The following TFPI variants were observed in gnomAD, a reference collection of about 807,000 sequenced individuals.
TFPI encodes tissue factor pathway inhibitor.
TFPI carries 15 observed loss-of-function variants against 34.6 expected under a neutral mutation model. The ratio of observed to expected loss-of-function variants is 0.43; its 90% CI spans 0.29 to 0.67. TFPI has a LOEUF of 0.67. Among genes scored for constraint, TFPI ranks in the 30% least tolerant of loss-of-function variants. The probability of loss-of-function intolerance (pLI) is 0.15; values close to 1 mark genes in which losing one functional copy is unlikely to be tolerated. For missense variants in TFPI, 301 were observed against 364.0 expected (o/e 0.83, Z 1.41); for synonymous variants, 105 against 120.1 (o/e 0.87, Z 0.82).
rs527659929 is a variant in TFPI at position 187,552,193 on chromosome 2, C to A, written c.-3+2007G>T. ...AGGTAGAGATATCAGTTGAAAGATA[C>A]CTTAAAATTTTGTGACACTGAATTT... On this transcript the variant is annotated intron_variant, in intron 1 of 7. Coordinates refer to ENST00000233156, the MANE Select transcript of TFPI (RefSeq NM_006287.6). 2.0e-5 allele frequency among the ~76,000 whole-genome samples: 3 copies of A among 151,836 alleles called. No homozygotes were observed. In the South Asian group the frequency reaches 6.2e-4, roughly 32 times the overall value.
chr2:187,499,261 C>A lies in TFPI; in HGVS notation c.122-2183G>T, dbSNP rs558641065. Among the ~76,000 whole-genome samples, 62 of 151,594 alleles carry A rather than the reference C, an allele frequency of 4.1e-4. 1 individual carries two copies. Among genetic ancestry groups the A allele is most frequent in the Non-Finnish European group, 7.5e-4 (51 of 67,826 alleles). On this transcript the variant is annotated intron_variant, in intron 2 of 7. Transcript: ENST00000233156. ...ATGAGCACTTCATGGTAAAATTTTC[C>A]ATTTTTCTTAAATTAGATACACAAG...
chr2:187,496,878 T>A lies in TFPI; in HGVS notation c.319+3A>T. The A allele has an allele frequency of 6.2e-7, 1 of 1,612,566 alleles. No individual in the cohort carries two copies. Among genetic ancestry groups the A allele is most frequent in the South Asian group, 1.1e-5 (1 of 90,934 alleles). Reference sequence around the variant, plus strand: ...TGAGTAATAAGGGTTCCCAGAAACCTACCTCTTGTACACATTTTTTTGCAC... The same window carrying A: ...TGAGTAATAAGGGTTCCCAGAAACCAACCTCTTGTACACATTTTTTTGCAC... On this transcript the variant is annotated splice_donor_region_variant and intron_variant, in intron 3 of 7. Transcript: ENST00000233156.
intron 3 of TFPI, among the ~76,000 whole-genome samples, 194 bp from the exon 4 acceptor site, chr2:187,488,569 C>G (rs2106035291): frequency 6.6e-6 from 1 of 151,130 alleles, no homozygotes; most frequent in Non-Finnish European, 1.5e-5. Context: ...ACCATGAAGC[C>G]ACTTCATTTC....
intron 6 of TFPI, among the ~76,000 whole-genome samples, chr2:187,481,748 A>G (rs1239428743): frequency 6.6e-6 from 1 of 152,050 alleles, no homozygotes; most frequent in Non-Finnish European, 1.5e-5. Context: ...TTTGAGGCCA[A>G]TATATACAAT....
chr2:187,472,872 C>T (rs1241904271), intron 6 of TFPI, among the ~76,000 whole-genome samples: 1 of 151,882 alleles, frequency 6.6e-6, no homozygotes, highest in East Asian at 1.9e-4. Flanking sequence ...ATTAGCTGGG[C>T]GTGGTGGCAC....
intron 1 of TFPI, among the ~76,000 whole-genome samples, chr2:187,550,363 C>T (rs1689053428): frequency 6.6e-6 from 1 of 152,056 alleles, no homozygotes; most frequent in Non-Finnish European, 1.5e-5. Context: ...GTGTTTGCAA[C>T]AGTAGTAGGA....
intron 1 of TFPI, among the ~76,000 whole-genome samples, chr2:187,521,828 G>C (rs532603190): frequency 9.0e-4 from 137 of 152,142 alleles, no homozygotes; most frequent in African/African-American, 2.9e-3. Flanking sequence ...CTGCCTTCCA[G>C]AGTGCTGGGA....
At chr2:187,471,736 C>T (rs916734159) in intron 6 of TFPI, among the ~76,000 whole-genome samples, 7 of 151,598 alleles carry the variant, frequency 4.6e-5, no homozygotes, top group Non-Finnish European at 7.4e-5. Context: ...CTCAGTTTTA[C>T]AGGTAAAGTT....
At chr2:187,492,151 G>A (rs987822985) in intron 3 of TFPI, among the ~76,000 whole-genome samples, 1 of 152,034 alleles carries the variant, frequency 6.6e-6, no homozygotes, top group Non-Finnish European at 1.5e-5. Context: ...TAGGTTATCT[G>A]TTCACTCTGA....
intron 1 of TFPI, among the ~76,000 whole-genome samples, chr2:187,521,334 T>C (rs186295999): frequency 1.4e-4 from 21 of 152,244 alleles, no homozygotes; most frequent in African/African-American, 5.1e-4. Flanking sequence ...TCTTCATTCA[T>C]TTTTAAAAAG....
At chr2:187,518,487 A>G (rs1009188123) in intron 1 of TFPI, 5 of 152,200 alleles carry the variant, frequency 3.3e-5, no homozygotes, top group African/African-American at 1.2e-4. Flanking sequence ...TCTGGCTTGT[A>G]GAGTTTCTGC....
Position 187,503,740 on chromosome 2 carries a change from G to A in TFPI, c.29C>T (p.Ala10Val). ...CAGCAGGCATACAGAAGCCCAAAGTGCATGTACTTTCTTCATTGTGTAAAT... is the reference window on the plus strand; with the variant it reads ...CAGCAGGCATACAGAAGCCCAAAGTACATGTACTTTCTTCATTGTGTAAAT... MIYTMKKVHALWASVCLLLN... is the reference protein window; with the variant it reads MIYTMKKVHVLWASVCLLLN... Residue 10 changes from alanine to valine, a missense_variant, in exon 2 of 8, where the codon GCA (alanine) becomes GTA (valine). Transcript: ENST00000233156. 3 of 1,612,984 alleles carry A rather than the reference G, an allele frequency of 1.9e-6. No individual in the cohort carries two copies. The highest frequency in any genetic ancestry group is 2.5e-6 in the Non-Finnish European group (3 of 1,179,264).
chr2:187,512,962 G>A (rs775975771), intron 1 of TFPI, among the ~76,000 whole-genome samples: 1 of 152,158 alleles, frequency 6.6e-6, no homozygotes, highest in Admixed American at 6.5e-5. Flanking sequence ...TGCAAGAAAT[G>A]TTGTATAATT....
In TFPI at chr2:187,467,843, CA is replaced by C. The variant is rs748261467; in HGVS notation, c.717del (p.Ile239MetfsTer26). The stretch of plus-strand genomic sequence containing the variant: ...CTGTACTTAAATGGGCGGCATTTCC[CA>C]ATGACTGAATTGTAGTAGAATCTGT... ...NENRFYYNSV[I>X]GKCRPFKYSG... On this transcript the variant is annotated frameshift_variant, in exon 7 of 8. Coordinates refer to ENST00000233156, the MANE Select transcript of TFPI (RefSeq NM_006287.6). LOFTEE classifies it high-confidence loss of function. 6.2e-7 allele frequency: 1 copy of C among 1,612,608 alleles called. No homozygotes were observed.
chr2:187,537,251 A>G (rs1462783071), intron 1 of TFPI, among the ~76,000 whole-genome samples: 4 of 152,244 alleles, frequency 2.6e-5, no homozygotes, highest in African/African-American at 9.6e-5. Flanking sequence ...TAAATTTCAT[A>G]TGGAACCAAA....
In TFPI at chr2:187,465,798, C is replaced by T. The variant is rs1324412143; in HGVS notation, c.*1138G>A. The T allele has an allele frequency of 6.6e-6, 1 of 152,046 alleles. No homozygotes were observed. The highest frequency in any genetic ancestry group is 1.5e-5 in the Non-Finnish European group (1 of 68,014). The allele number at this position is 152,046 out of a possible 1,614,324, so 9.4% of individuals were successfully genotyped here. On this transcript the variant is annotated 3_prime_UTR_variant, in exon 8 of 8. Coordinates refer to ENST00000233156, the MANE Select transcript of TFPI (RefSeq NM_006287.6). ...GGTTGTTTCTAAATCAGTTCCAATT[C>T]CAGTGTCAGATTTGAGGTGAACACT...
intron 4 of TFPI, among the ~76,000 whole-genome samples, chr2:187,486,562 T>A (rs1027928329): frequency 2.0e-5 from 3 of 151,682 alleles, no homozygotes; most frequent in African/African-American, 7.2e-5. Flanking sequence ...ATTTTTCATA[T>A]GAAACTACAT....
At chr2:187,513,057 T>C (rs1351617604) in intron 1 of TFPI, among the ~76,000 whole-genome samples, 1 of 152,184 alleles carries the variant, frequency 6.6e-6, no homozygotes, top group East Asian at 1.9e-4. Flanking sequence ...AATATACCTT[T>C]GGTAAAGGGA....
chr2:187,526,683 G>A (rs1026738592), intron 1 of TFPI: 4 of 151,996 alleles, frequency 2.6e-5, no homozygotes, highest in African/African-American at 9.7e-5. Context: ...TAAAAGCATG[G>A]TACTTATCTA....
Sources: gnomAD v4.1 joint callset for allele counts (sites outside exome capture counted in the v4.1 genomes callset) on GRCh38, gnomAD v4.1.1 for gene constraint, MANE v1.5 for transcripts, NCBI Gene and HGNC (gene_info 2026-07-23, HGNC 2026-07-21) for gene names.